Variants in PRKCH observed in about 807,000 individuals in gnomAD.
The protein encoded by PRKCH is protein kinase C eta type.
A neutral mutation model predicts 82.5 loss-of-function variants in PRKCH; 28 were observed. That is an observed-to-expected ratio of 0.34 (90% CI 0.25 to 0.47). The LOEUF is 0.47. Ranked by LOEUF, PRKCH falls within the 20% of genes least tolerant of loss-of-function variation. The pLI is 1.00. For synonymous variants in PRKCH, 322 were observed against 327.4 expected, an observed-to-expected ratio of 0.98 and a Z score of 0.18; for missense variants, 705 against 881.8, an observed-to-expected ratio of 0.80 and a Z score of 2.54.
chr14:61,406,801 G>A (rs995455951), intron 2 of PRKCH, among the ~76,000 whole-genome samples: 9 of 152,050 alleles, frequency 5.9e-5, no homozygotes, highest in Non-Finnish European at 1.0e-4. Flanking sequence ...GCATTGTGCC[G>A]AGCAGAGTTA....
chr14:61,287,844 C>T (rs898250172), intron 1 of PRKCH, among the ~76,000 whole-genome samples: 7 of 152,130 alleles, frequency 4.6e-5, no homozygotes, highest in African/African-American at 1.7e-4. Context: ...TCTTTTGAGG[C>T]TAGAAGTCAC....
chr14:61,193,832 C>T (rs548668505), intron 1 of PRKCH, among the ~76,000 whole-genome samples: 3 of 152,340 alleles, frequency 2.0e-5, no homozygotes, highest in Admixed American at 6.5e-5. Context: ...CCTGATAATA[C>T]ATCCCTCCCT....
chr14:61,377,094 C>T (rs1236363787), intron 1 of PRKCH, among the ~76,000 whole-genome samples: 5 of 152,180 alleles, frequency 3.3e-5, no homozygotes, highest in African/African-American at 1.2e-4. Flanking sequence ...TCTCCCAGGT[C>T]ATCTACTGTC....
chr14:61,449,723 T>C (rs1884396134), intron 5 of PRKCH, among the ~76,000 whole-genome samples: 2 of 152,208 alleles, frequency 1.3e-5, no homozygotes, highest in African/African-American at 4.8e-5. Context: ...GGATCAATGT[T>C]TCCCTCACAC....
At chr14:61,433,261 C>T (rs1033855487) in intron 2 of PRKCH, among the ~76,000 whole-genome samples, 14 of 151,964 alleles carry the variant, frequency 9.2e-5, no homozygotes, top group Non-Finnish European at 1.8e-4. Flanking sequence ...GGAAATGACT[C>T]GGCAGCATAC....
intron 10 of PRKCH, among the ~76,000 whole-genome samples, chr14:61,487,215 A>G (rs1886263931): frequency 6.6e-6 from 1 of 152,144 alleles, no homozygotes; most frequent in East Asian, 1.9e-4. Context: ...CATACAGTGC[A>G]TTTATCACAG....
At chr14:61,361,756 G>A (rs1483302105) in intron 1 of PRKCH, among the ~76,000 whole-genome samples, 1 of 152,122 alleles carries the variant, frequency 6.6e-6, no homozygotes, top group Non-Finnish European at 1.5e-5. Context: ...ATTTCTTTGT[G>A]TGGAATAAAA....
chr14:61,433,370 A>G (rs1324823149), intron 2 of PRKCH, among the ~76,000 whole-genome samples: 1 of 151,656 alleles, frequency 6.6e-6, no homozygotes, highest in Non-Finnish European at 1.5e-5. Flanking sequence ...GATAAGAGAG[A>G]AAAAAAAATC....
chr14:61,235,378 C>T (rs546216144), intron 1 of PRKCH, among the ~76,000 whole-genome samples: 21 of 152,348 alleles, frequency 1.4e-4, no homozygotes, highest in Non-Finnish European at 2.1e-4. Flanking sequence ...TCATTCCCAA[C>T]GGTATGTTAT....
intron 1 of PRKCH, chr14:61,354,047 G>A (rs187359566): frequency 1.6e-4 from 25 of 152,220 alleles, no homozygotes; most frequent in African/African-American, 4.8e-4. Context: ...ATAATTTAAC[G>A]TGTTTTTGAA....
At chr14:61,336,675 T>A (rs2045861081) in intron 1 of PRKCH, among the ~76,000 whole-genome samples, 1 of 152,204 alleles carries the variant, frequency 6.6e-6, no homozygotes, top group African/African-American at 2.4e-5. Flanking sequence ...TCAATTGGCA[T>A]TAAAATATAT....
chr14:61,287,578 T>C (rs73310582), intron 1 of PRKCH, among the ~76,000 whole-genome samples: 2,182 of 152,152 alleles, frequency 0.014, 20 homozygotes, highest in African/African-American at 0.037. Flanking sequence ...GGCATGGTAG[T>C]GCACGCCTGT....
rs1042922991 is a variant in PRKCH, at chr14:61,272,018, G to A, written c.-19+84350G>A. On this transcript the variant is annotated intron_variant, in intron 1 of 3. Coordinates refer to the PRKCH transcript ENST00000555185. ...AGGCGGGCGGATCACGAGGTCAGGA[G>A]ATCGAGACCATCCTGGTTAACACGG... 7.2e-5 allele frequency among the ~76,000 whole-genome samples: 11 copies of A among 152,176 alleles called. No individual in the cohort carries two copies. In the East Asian group the frequency reaches 7.7e-4, roughly 11 times the overall value.
intron 5 of PRKCH, 96 bp from the exon 6 acceptor site, chr14:61,450,745 TA>T: frequency 1.4e-6 from 2 of 1,426,138 alleles, no homozygotes; most frequent in Non-Finnish European, 1.9e-6. Flanking sequence ...TCAGGTGTCA[TA>T]GTGACACTTT....
At chr14:61,415,461 A>T (rs1273113024) in intron 2 of PRKCH, among the ~76,000 whole-genome samples, 2 of 152,168 alleles carry the variant, frequency 1.3e-5, no homozygotes, top group African/African-American at 4.8e-5. Context: ...TTTCCTTAGG[A>T]GAGCTGAGGA....
chr14:61,328,241 A>G (rs2045727169), intron 1 of PRKCH, among the ~76,000 whole-genome samples: 1 of 119,684 alleles, frequency 8.4e-6, no homozygotes, highest in Non-Finnish European at 1.6e-5. Flanking sequence ...TGGGCAACAG[A>G]GCGAGACTCC....
rs111452799 is a variant in PRKCH at position 61,407,694 on chromosome 14, G to A, written c.427+16406G>A. ...GAGACTTTTAATTCCTACATTCTTG[G>A]TCTTTGCCTCTCTGAATGCTTGAAG... On this transcript the variant is annotated intron_variant, in intron 2 of 13. Transcript: ENST00000332981. Among the ~76,000 whole-genome samples the A allele has an allele frequency of 3.7e-3, 565 of 152,216 alleles. 4 individuals are homozygous for A. Among genetic ancestry groups the A allele is most frequent in the African/African-American group, 0.013 (549 of 41,504 alleles).
chr14:61,444,017 T>G (rs1178655872), intron 3 of PRKCH, among the ~76,000 whole-genome samples: 2 of 152,208 alleles, frequency 1.3e-5, no homozygotes, highest in Non-Finnish European at 2.9e-5. Context: ...TGTTGTCAAC[T>G]TTAATTATTT....
chr14:61,412,705 C>T (rs181354471), intron 2 of PRKCH, among the ~76,000 whole-genome samples: 39 of 152,314 alleles, frequency 2.6e-4, no homozygotes, highest in Admixed American at 5.2e-4. Flanking sequence ...CGGAAGCATT[C>T]TTCTTGTGTT....
Sources: gnomAD v4.1 joint callset for allele counts (sites outside exome capture counted in the v4.1 genomes callset) on GRCh38, gnomAD v4.1.1 for gene constraint, MANE v1.5 for transcripts, NCBI Gene and HGNC (gene_info 2026-07-23, HGNC 2026-07-21) for gene names.